Variants in IGFN1 observed in about 807,000 individuals in gnomAD.
IGFN1 encodes the protein immunoglobulin-like and fibronectin type III domain-containing protein 1.
A neutral mutation model predicts 289.5 loss-of-function variants in IGFN1; 253 were observed. That is an observed-to-expected ratio of 0.87 (90% CI 0.79 to 0.97). IGFN1 has a LOEUF of 0.97. Among genes scored for constraint, IGFN1 ranks in the 50% least tolerant of loss-of-function variants. IGFN1 has a pLI of 0.00. For synonymous variants in IGFN1, 1,706 were observed against 1,788.5 expected (o/e 0.95, Z 1.16); for missense variants, 4,470 against 4,686.1 (o/e 0.95, Z 1.35).
At chr1:201,191,207 A>G (rs1468770041) in intron 1 of IGFN1, among the ~76,000 whole-genome samples, 1 of 152,320 alleles carries the variant, frequency 6.6e-6, no homozygotes, top group South Asian at 2.1e-4. Flanking sequence ...GATTAAAAAT[A>G]TCACTAGCAG....
intron 3 of IGFN1, 133 bp from the exon 4 acceptor site, chr1:201,195,706 G>A: frequency 1.0e-6 from 1 of 964,990 alleles, no homozygotes. Context: ...GGGGACCAAG[G>A]CCTGGCATCC....
Position 201,213,260 on chromosome 1 carries a change from G to C in IGFN1, c.8367G>C (p.Gln2789His), listed in dbSNP as rs1193865429. Residue 2789 changes from glutamine (Q) to histidine (H), a missense_variant, in exon 12 of 24, where the codon CAG becomes CAC. Gln to His is a conservative substitution (Grantham distance 24). This residue lies in a region of IGFN1 where 2,218 missense variants were observed against 2,114.1 expected (regional missense o/e 1.05). Coordinates refer to ENST00000335211, the MANE Select transcript of IGFN1 (RefSeq NM_001164586.2). Reference protein sequence around the residue: ...GSLEAENGEVQGPGALKEDEG... With the variant: ...GSLEAENGEVHGPGALKEDEG... ...TGGAGGCTGAGAATGGTGAGGTCCA[G>C]GGTCCTGGGGCCCTAAAGGAGGATG... is the stretch of plus-strand genomic sequence containing the variant. The C allele has an allele frequency of 1.3e-6, 2 of 1,550,624 alleles. No homozygotes were observed. Among genetic ancestry groups the C allele is most frequent in the Non-Finnish European group, 1.7e-6 (2 of 1,145,736 alleles).
Position 201,204,025 on chromosome 1 carries a change from T to C in IGFN1, c.916+119T>C, listed in dbSNP as rs567821439. ...ATGTGGCCCCAGCTGCAAAAGACAA[T>C]TGGGAGAGGGACACATACCTAGATG... On this transcript the variant is annotated intron_variant, in intron 10 of 23. Coordinates refer to ENST00000335211, the MANE Select transcript of IGFN1 (RefSeq NM_001164586.2). 42 of 942,276 alleles carry C rather than the reference T, an allele frequency of 4.5e-5. 1 individual carries two copies. Among genetic ancestry groups the C allele is most frequent in the African/African-American group, 1.7e-4 (10 of 60,158 alleles). The allele number at this position is 942,276 out of a possible 1,614,324, so 58.4% of individuals were successfully genotyped here.
chr1:201,196,494 G>A (rs1336387172), intron 4 of IGFN1, among the ~76,000 whole-genome samples: 1 of 152,114 alleles, frequency 6.6e-6, no homozygotes, highest in Non-Finnish European at 1.5e-5. Context: ...ACAGGCATGC[G>A]CCATCACGCC....
At chr1:201,192,225 A>G (rs1462675285) in intron 1 of IGFN1, among the ~76,000 whole-genome samples, 1 of 152,208 alleles carries the variant, frequency 6.6e-6, no homozygotes, top group African/African-American at 2.4e-5. Flanking sequence ...GGCCGTTGCG[A>G]AATGGAATGA....
rs112738952 is a variant in IGFN1, at chr1:201,208,450, C to G, written c.3557C>G (p.Thr1186Ser). 554 of 1,445,924 alleles carry G rather than the reference C, an allele frequency of 3.8e-4. 10 individuals are homozygous for G. In the African/African-American group the frequency reaches 6.6e-3, roughly 17 times the overall value. 89.6% of individuals were successfully genotyped at this position (1,445,924 alleles called of 1,614,324 possible). A position where few individuals can be genotyped will look rare whatever the true frequency, so the allele number is the denominator to read the frequency against. ...GCTGGAGCTGGTTATAGGGATGATA[C>G]CAGGCACCCTGAGTCACTCGCACCT... is the stretch of plus-strand genomic sequence containing the variant. ...SGAGAGYRDD[T>S]RHPESLAPHN... is the part of the protein sequence containing the mutation. Residue 1186 changes from threonine (T) to serine (S), a missense_variant, in exon 12 of 24, where the codon ACC (threonine) becomes AGC (serine). Coordinates refer to ENST00000335211, the MANE Select transcript of IGFN1 (RefSeq NM_001164586.2).
In IGFN1 at chr1:201,212,445, C is replaced by T. The variant is rs1185654637; in HGVS notation, c.7552C>T (p.Gln2518Ter). Residue 2518 changes from glutamine to a stop codon, truncating the protein, a stop_gained, in exon 12 of 24, where the codon CAA (glutamine) becomes TAA (stop). Transcript: ENST00000335211. LOFTEE classifies it high-confidence loss of function. ...CAGGGTGAAGGATAGGTCTCCAGAC[C>T]AAGCAGGGATAATGGGGGCTTCTGG... is the stretch of plus-strand genomic sequence containing the variant. ...APRVKDRSPD[Q>*]AGIMGASGFL... The T allele has an allele frequency of 6.5e-7, 1 of 1,537,464 alleles. No homozygotes were observed. Among genetic ancestry groups the T allele is most frequent in the Non-Finnish European group, 8.7e-7 (1 of 1,146,782 alleles).
chr1:201,216,993 G>A (rs1280677410), intron 16 of IGFN1, among the ~76,000 whole-genome samples: 15 of 152,110 alleles, frequency 9.9e-5, no homozygotes, highest in Admixed American at 6.5e-5. Flanking sequence ...CCACTGTCGC[G>A]GGTCCCAGGG....
In IGFN1 at chr1:201,228,395, C is replaced by A. The variant is rs546858072; in HGVS notation, c.11123C>A (p.Thr3708Asn). 4.9e-5 allele frequency: 79 copies of A among 1,614,060 alleles called. No individual in the cohort carries two copies. The South Asian group carries it at 8.6e-4, about 17-fold the overall frequency. Residue 3708 changes from threonine to asparagine, a missense_variant, in exon 24 of 24, where the codon ACC (threonine) becomes AAC (asparagine). Physicochemically the swap from Thr to Asn is moderately conservative, Grantham distance 65 (BLOSUM62 0). This residue lies in a region of IGFN1 where 2,218 missense variants were observed against 2,114.1 expected (regional missense o/e 1.05). Coordinates refer to ENST00000335211, the MANE Select transcript of IGFN1 (RefSeq NM_001164586.2). ...TATLIVIEPS[T>N] ...ATCCTGTGTCTTGCAGAACCCAGCA[C>A]CTAGCCTCACCTCACCCTGGGATGG... is the stretch of plus-strand genomic sequence containing the variant.
At chr1:201,216,398 C>G (rs1041366224) in intron 15 of IGFN1, 56 bp from the exon 16 acceptor site, 12 of 1,409,080 alleles carry the variant, frequency 8.5e-6, no homozygotes, top group African/African-American at 1.5e-5. Context: ...GTTGGCGCTG[C>G]TCCCCTCCAG....
Position 201,228,442 on chromosome 1 carries a change from C to T in IGFN1, c.*43C>T, listed in dbSNP as rs1351696362. 1 of 1,603,898 alleles carries T rather than the reference C, an allele frequency of 6.2e-7. No homozygotes were observed. The highest frequency in any genetic ancestry group is 8.5e-7 in the Non-Finnish European group (1 of 1,170,688). ...ATGGTCCTGGACCCTTGAAGCTTCA[C>T]TTCCGACACCTGCACTGGCCCGGGA... On this transcript the variant is annotated 3_prime_UTR_variant, in exon 24 of 24. Transcript: ENST00000335211.
At position 201,216,476 on chromosome 1, in the gene IGFN1, C is replaced by T; in HGVS notation, c.9318C>T (p.Gly3106=). Residue 3106 remains glycine, a synonymous_variant, in exon 16 of 24, where the codon GGC becomes GGT. Transcript: ENST00000335211. ...CAGACAAGCCTGATCCCCCACAAGG[C>T]CCCATGGAGGTTCAGGATTGCCATA... The part of the protein sequence containing the change: ...QVIDKPDPPQ[G]PMEVQDCHRA... The T allele has an allele frequency of 6.3e-7, 1 of 1,588,380 alleles. No homozygotes were observed. The highest frequency in any genetic ancestry group is 8.6e-7 in the Non-Finnish European group (1 of 1,167,978).
At position 201,205,340 on chromosome 1, in the gene IGFN1, G is replaced by A. The variant is rs1383686026; in HGVS notation, c.1175G>A (p.Trp392Ter). 1 of 1,538,074 alleles carries A rather than the reference G, an allele frequency of 6.5e-7. No individual in the cohort carries two copies. Among genetic ancestry groups the A allele is most frequent in the African/African-American group, 1.4e-5 (1 of 72,802 alleles). Residue 392 changes from tryptophan (W) to a stop codon, truncating the protein, a stop_gained, in exon 11 of 24, where the codon TGG becomes TAG. Coordinates refer to ENST00000335211, the MANE Select transcript of IGFN1 (RefSeq NM_001164586.2). LOFTEE classifies it high-confidence loss of function. ...ACCGGGCTCTACACTTCCAGCGCCT[G>A]GCTGGTGGTTGAAGGTGAGTGCTTC... ...LGTGLYTSSA[W>*]LVVEAGKDKD...
In IGFN1 at chr1:201,207,306, G is replaced by A. The variant is rs1667473828; in HGVS notation, c.2413G>A (p.Glu805Lys). Residue 805 changes from glutamate to lysine, a missense_variant, in exon 12 of 24, where the codon GAG becomes AAG. This residue lies in a region of IGFN1 where 2,011 missense variants were observed against 1,953.4 expected (regional missense o/e 1.03). Transcript: ENST00000335211. ...DGQETAWASG[E>K]VEYDPRSFQS... ...CCAGGAAACAGCTTGGGCCTCGGGTGAGGTAGAGTATGACCCCAGAAGCTT... is the reference window on the plus strand; with the variant it reads ...CCAGGAAACAGCTTGGGCCTCGGGTAAGGTAGAGTATGACCCCAGAAGCTT... The A allele has an allele frequency of 1.3e-6, 2 of 1,536,804 alleles. No individual in the cohort carries two copies.
Position 201,219,133 on chromosome 1 carries a change from C to A in IGFN1, c.9898+475C>A, listed in dbSNP as rs117499905. Among the ~76,000 whole-genome samples the A allele has an allele frequency of 9.5e-4, 144 of 152,350 alleles. No individual in the cohort carries two copies. In the East Asian group the frequency reaches 0.026, roughly 27 times the overall value. On this transcript the variant is annotated intron_variant, in intron 18 of 23. Transcript: ENST00000335211. ...TTTGGCCTCTAGGCAGGCCAGCCCC[C>A]AAGCTGGCCCACCTGCCCCAGTCTC...
intron 9 of IGFN1, among the ~76,000 whole-genome samples, chr1:201,202,547 G>T (rs1011341801): frequency 3.3e-5 from 5 of 151,818 alleles, no homozygotes; most frequent in African/African-American, 9.7e-5. Flanking sequence ...CCCCGATATC[G>T]ACAGGGCTAA....
chr1:201,206,023 ATT>A, intron 11 of IGFN1, 58 bp from the exon 12 acceptor site: 1 of 1,226,830 alleles, frequency 8.2e-7, no homozygotes, highest in South Asian at 1.4e-5. Context: ...GAGTTTTGGT[ATT>A]TTCTCTTGTC....
Position 201,212,104 on chromosome 1 carries a change from A to T in IGFN1, c.7211A>T (p.Asp2404Val). The change falls in exon 12 of 24, where the codon GAT becomes GTT. Residue 2404 changes from aspartate to valine, a missense_variant. Transcript: ENST00000335211. ...TCAGAGGGTGACACGAACTCCAAGG[A>T]TGGTCCAGAGCGAGCCAGGGAAACC... Reference protein sequence around the residue: ...VASEGDTNSKDGPERARETRL... With the variant: ...VASEGDTNSKVGPERARETRL... The T allele has an allele frequency of 1.3e-6, 2 of 1,536,442 alleles. No homozygotes were observed. The highest frequency in any genetic ancestry group is 8.7e-7 in the Non-Finnish European group (1 of 1,146,762).
chr1:201,214,630 T>A (rs1177244049), intron 13 of IGFN1, among the ~76,000 whole-genome samples: 1 of 152,032 alleles, frequency 6.6e-6, no homozygotes, highest in Non-Finnish European at 1.5e-5. Flanking sequence ...AAGGGGGCCC[T>A]CGTCTCCCTG....
Sources: allele counts gnomAD v4.1 joint callset (sites outside exome capture counted in the v4.1 genomes callset), GRCh38; gene constraint gnomAD v4.1.1; regional missense constraint gnomAD v4.1.1; transcripts MANE v1.5; gene names NCBI Gene and HGNC (gene_info 2026-07-23, HGNC 2026-07-21).